The following TMCC1 variants were observed in gnomAD, a reference collection of about 807,000 sequenced individuals.
TMCC1 encodes the protein transmembrane and coiled-coil domains protein 1.
In TMCC1, 15 loss-of-function variants were observed where a neutral mutation model predicts 52.4. The observed-to-expected ratio is 0.29, with a 90% CI of 0.19 to 0.44. The LOEUF (loss-of-function observed/expected upper bound fraction) is 0.44. TMCC1 is among the 20% of genes least tolerant of loss of function. The probability of loss-of-function intolerance (pLI) is 1.00; values close to 1 mark genes in which losing one functional copy is unlikely to be tolerated. For missense variants in TMCC1, 503 were observed against 806.0 expected (o/e 0.62, Z 4.55); for synonymous variants, 279 against 301.9 (o/e 0.92, Z 0.79).
At chr3:129,771,129 A>T (rs2054545899) in intron 4 of TMCC1, among the ~76,000 whole-genome samples, 1 of 152,118 alleles carries the variant, frequency 6.6e-6, no homozygotes, top group Non-Finnish European at 1.5e-5. Flanking sequence ...AATCAATGTG[A>T]CCCTAGTGAG....
intron 3 of TMCC1, among the ~76,000 whole-genome samples, chr3:129,831,109 A>G (rs774021569): frequency 2.4e-4 from 36 of 151,920 alleles, no homozygotes; most frequent in Non-Finnish European, 4.3e-4. Flanking sequence ...TAATTTTTGT[A>G]TTTTTAGAGA....
chr3:129,709,127 C>T (rs985456715), intron 4 of TMCC1, among the ~76,000 whole-genome samples: 5 of 151,948 alleles, frequency 3.3e-5, no homozygotes, highest in Non-Finnish European at 1.5e-5. Context: ...AATAACTAAA[C>T]TTGAGCATTA....
chr3:129,864,730 CA>C (rs1180700629), intron 2 of TMCC1, among the ~76,000 whole-genome samples: 1 of 152,174 alleles, frequency 6.6e-6, no homozygotes, highest in Non-Finnish European at 1.5e-5. Context: ...TGATGGGAGT[CA>C]GATGCTGTCT....
At chr3:129,734,502 A>G (rs1490800550) in intron 4 of TMCC1, among the ~76,000 whole-genome samples, 1 of 152,104 alleles carries the variant, frequency 6.6e-6, no homozygotes, top group Non-Finnish European at 1.5e-5. Context: ...CCTGGGCAAC[A>G]TGGAGAAACC....
intron 2 of TMCC1, among the ~76,000 whole-genome samples, chr3:129,857,964 T>C (rs560643012): frequency 3.7e-4 from 57 of 152,328 alleles, no homozygotes; most frequent in Non-Finnish European, 7.1e-4. Context: ...AAAATGACCC[T>C]AAATGGCATG....
chr3:129,868,653 G>T (rs773867776), intron 2 of TMCC1, among the ~76,000 whole-genome samples: 5 of 152,248 alleles, frequency 3.3e-5, no homozygotes, highest in South Asian at 2.1e-4. Flanking sequence ...TGGCCAGGCT[G>T]GTCCTCGGAC....
At chr3:129,794,759 GGT>G (rs2056708220) in intron 4 of TMCC1, among the ~76,000 whole-genome samples, 1 of 152,096 alleles carries the variant, frequency 6.6e-6, no homozygotes, top group Non-Finnish European at 1.5e-5. Context: ...GAGGAGGAGT[GGT>G]GTGCTGGGGT....
intron 4 of TMCC1, among the ~76,000 whole-genome samples, chr3:129,819,345 A>G (rs1023179092): frequency 2.6e-5 from 4 of 152,136 alleles, no homozygotes; most frequent in African/African-American, 9.7e-5. Flanking sequence ...GGCCTCCCAA[A>G]GTGCTGGGAT....
chr3:129,892,724 T>C (rs1433719037), intron 1 of TMCC1: 1 of 152,216 alleles, frequency 6.6e-6, no homozygotes, highest in African/African-American at 2.4e-5. Context: ...CAGATTCACC[T>C]GGGGATTCCT....
At position 129,827,893 on chromosome 3, in the gene TMCC1, T is replaced by C. The variant is rs755236207; in HGVS notation, c.486A>G (p.Ala162=). The part of the protein sequence containing the change: ...GRPRSSSTTD[A]PTSSAMMEIA... ...TTTCCATCATAGCAGAGCTGGTAGG[T>C]GCATCAGTTGTGGATGAAGACCTGG... is the stretch of plus-strand genomic sequence containing the variant. The change falls in exon 4 of 7, where the codon GCA becomes GCG. Residue 162 remains alanine, a synonymous_variant. Coordinates refer to ENST00000393238, the MANE Select transcript of TMCC1 (RefSeq NM_001017395.5). 1.2e-6 allele frequency: 2 copies of C among 1,614,062 alleles called. No homozygotes were observed. Among genetic ancestry groups the C allele is most frequent in the Non-Finnish European group, 1.7e-6 (2 of 1,180,000 alleles).
At chr3:129,795,636 C>T (rs573357220) in intron 4 of TMCC1, among the ~76,000 whole-genome samples, 2 of 152,308 alleles carry the variant, frequency 1.3e-5, no homozygotes, top group South Asian at 4.1e-4. Context: ...TTACAATAGT[C>T]CTCCCTTACC....
intron 4 of TMCC1, among the ~76,000 whole-genome samples, chr3:129,770,324 T>C (rs559088175): frequency 6.6e-6 from 1 of 152,290 alleles, no homozygotes; most frequent in East Asian, 1.9e-4. Flanking sequence ...GAGAGCAGCC[T>C]GGCCAACATA....
intron 4 of TMCC1, among the ~76,000 whole-genome samples, chr3:129,800,119 GT>G (rs969913564): frequency 2.0e-5 from 3 of 152,160 alleles, no homozygotes; most frequent in Admixed American, 2.0e-4. Flanking sequence ...AATCTTGTGT[GT>G]GGTTTCTTTT....
intron 1 of TMCC1, among the ~76,000 whole-genome samples, chr3:129,890,009 G>C (rs1318682092): frequency 6.6e-6 from 1 of 152,052 alleles, no homozygotes; most frequent in Non-Finnish European, 1.5e-5. Flanking sequence ...AAATGGCTGG[G>C]GCATGGTGGC....
At chr3:129,843,034 A>T (rs1042377563) in intron 2 of TMCC1, among the ~76,000 whole-genome samples, 1 of 152,196 alleles carries the variant, frequency 6.6e-6, no homozygotes, top group Non-Finnish European at 1.5e-5. Flanking sequence ...GCACAGTAAA[A>T]AAAGAACAAA....
intron 4 of TMCC1, among the ~76,000 whole-genome samples, chr3:129,778,677 G>GC (rs1553866346): frequency 2.0e-5 from 3 of 151,126 alleles, no homozygotes; most frequent in South Asian, 2.1e-4. Context: ...ATCATGGTGG[G>GC]GGGGGGGCAG....
intron 2 of TMCC1, among the ~76,000 whole-genome samples, chr3:129,870,219 A>G (rs570486990): frequency 2.6e-5 from 4 of 151,932 alleles, no homozygotes; most frequent in Non-Finnish European, 5.9e-5. Flanking sequence ...TCAGCATTAT[A>G]CTCTTGCTGA....
At chr3:129,839,353 T>A (rs2059318692) in intron 2 of TMCC1, among the ~76,000 whole-genome samples, 2 of 152,104 alleles carry the variant, frequency 1.3e-5, no homozygotes, top group Non-Finnish European at 2.9e-5. Context: ...CAGGTTATTT[T>A]AAAATGTATA....
intron 1 of TMCC1, among the ~76,000 whole-genome samples, chr3:129,885,133 T>G (rs2061633355): frequency 6.6e-6 from 1 of 151,068 alleles, no homozygotes; most frequent in Admixed American, 6.6e-5. Context: ...AGTGAGACCC[T>G]GTTTCTACAT....
Sources: gnomAD v4.1 joint callset for allele counts (sites outside exome capture counted in the v4.1 genomes callset) on GRCh38, gnomAD v4.1.1 for gene constraint, MANE v1.5 for transcripts, NCBI Gene and HGNC (gene_info 2026-07-23, HGNC 2026-07-21) for gene names.